The following CD226 variants were observed in gnomAD, a reference collection of about 807,000 sequenced individuals.
CD226 encodes CD226 molecule.
A neutral mutation model predicts 34.9 loss-of-function variants in CD226; 24 were observed. That is an observed-to-expected ratio of 0.69 (90% CI 0.50 to 0.97). The LOEUF is 0.97. CD226 is among the 50% of genes least tolerant of loss of function. The probability of loss-of-function intolerance (pLI) is 0.00; values close to 1 mark genes in which losing one functional copy is unlikely to be tolerated. For missense variants in CD226, 397 were observed against 412.7 expected (o/e 0.96, Z 0.33); for synonymous variants, 148 against 147.4 (o/e 1.00, Z -0.03).
At chr18:69,926,578 GGTAA>G (rs2055525040) in intron 2 of CD226, among the ~76,000 whole-genome samples, 1 of 152,106 alleles carries the variant, frequency 6.6e-6, no homozygotes, top group Non-Finnish European at 1.5e-5. Context: ...CCTGGCAAGT[GGTAA>G]CAGCTAAATA....
In CD226 at chr18:69,867,376, T is replaced by C; in HGVS notation, c.866A>G (p.Glu289Gly). 1 of 1,597,804 alleles carries C rather than the reference T, an allele frequency of 6.3e-7. No homozygotes were observed. Among genetic ancestry groups the C allele is most frequent in the Non-Finnish European group, 8.6e-7 (1 of 1,165,388 alleles). The stretch of plus-strand genomic sequence containing the variant: ...ACTTACCTTCTGTGTATCCCAGGAC[T>C]CTGTAAATAGATCTCTTCTCTCTCT... ...RRRERRDLFT[E>G]SWDTQKAPNN... is the part of the protein sequence containing the mutation. The change falls in exon 5 of 6, where the codon GAG becomes GGG. Residue 289 changes from glutamate to glycine, a missense_variant. By Grantham distance (98) the Glu-to-Gly change is moderately conservative. Transcript: ENST00000582621.
intron 3 of CD226, among the ~76,000 whole-genome samples, chr18:69,895,199 CTG>C (rs1163541980): frequency 6.6e-6 from 1 of 152,152 alleles, no homozygotes; most frequent in East Asian, 1.9e-4. Flanking sequence ...CTGAAAAAGA[CTG>C]AGAGAAAAAA....
At chr18:69,935,208 C>A (rs1020866002) in intron 2 of CD226, among the ~76,000 whole-genome samples, 1 of 152,194 alleles carries the variant, frequency 6.6e-6, no homozygotes, top group African/African-American at 2.4e-5. Context: ...TATCTCAAAT[C>A]TCACATTTTT....
intron 2 of CD226, among the ~76,000 whole-genome samples, chr18:69,922,893 A>T (rs1351167984): frequency 6.6e-6 from 1 of 152,180 alleles, no homozygotes; most frequent in Non-Finnish European, 1.5e-5. Flanking sequence ...GCACTTTGGG[A>T]GGCCAAGGCA....
intron 3 of CD226, 60 bp downstream of exon 3, chr18:69,895,641 C>A: frequency 8.0e-7 from 1 of 1,254,172 alleles, no homozygotes. Flanking sequence ...AAACAGAGAC[C>A]AGCCCACGGG....
chr18:69,952,695 G>A (rs572761150), upstream of CD226, among the ~76,000 whole-genome samples: 1 of 152,232 alleles, frequency 6.6e-6, no homozygotes, highest in East Asian at 1.9e-4. Flanking sequence ...GTTGTCAACG[G>A]ATTCTTAGAC....
chr18:69,935,673 G>C (rs2055643774), intron 2 of CD226, among the ~76,000 whole-genome samples: 1 of 152,184 alleles, frequency 6.6e-6, no homozygotes, highest in Admixed American at 6.5e-5. Flanking sequence ...GAGTTGTCTT[G>C]ATCACTGAGA....
chr18:69,901,575 A>G (rs2055183467), intron 2 of CD226, among the ~76,000 whole-genome samples: 1 of 152,062 alleles, frequency 6.6e-6, no homozygotes, highest in Admixed American at 6.5e-5. Context: ...TTCCATTAAA[A>G]AAGCTTTAAA....
intron 1 of CD226, among the ~76,000 whole-genome samples, chr18:69,954,511 G>A (rs977646318): frequency 2.6e-5 from 4 of 152,030 alleles, no homozygotes; most frequent in African/African-American, 7.2e-5. Context: ...CTGCAACACC[G>A]TGCTGCCTCA....
chr18:69,929,554 A>G (rs1386362230), intron 2 of CD226, among the ~76,000 whole-genome samples: 1 of 152,186 alleles, frequency 6.6e-6, no homozygotes, highest in African/African-American at 2.4e-5. Flanking sequence ...CATAATAAAC[A>G]TTCAACGGTT....
intron 4 of CD226, among the ~76,000 whole-genome samples, chr18:69,867,666 GA>G (rs578048907): frequency 2.6e-5 from 4 of 152,092 alleles, no homozygotes; most frequent in Non-Finnish European, 5.9e-5. Context: ...TAATCTCAGT[GA>G]TTTTACTAAA....
intron 2 of CD226, among the ~76,000 whole-genome samples, chr18:69,941,170 GT>G (rs1482573967): frequency 6.6e-6 from 1 of 152,258 alleles, no homozygotes; most frequent in Non-Finnish European, 1.5e-5. Flanking sequence ...CCATTCAGAA[GT>G]TGCTGCAAGG....
intron 2 of CD226, among the ~76,000 whole-genome samples, chr18:69,905,022 G>A (rs1353858231): frequency 1.3e-5 from 2 of 152,140 alleles, no homozygotes; most frequent in Non-Finnish European, 2.9e-5. Flanking sequence ...AGCCTTGAAC[G>A]AGTCCTTACT....
At chr18:69,925,671 C>T (rs2145319848) in intron 2 of CD226, among the ~76,000 whole-genome samples, 1 of 152,278 alleles carries the variant, frequency 6.6e-6, no homozygotes, top group East Asian at 1.9e-4. Flanking sequence ...TATTCTGCTC[C>T]ATCCCTACTA....
chr18:69,881,322 T>C (rs767349751), intron 3 of CD226, among the ~76,000 whole-genome samples: 8 of 152,308 alleles, frequency 5.3e-5, no homozygotes, highest in Non-Finnish European at 8.8e-5. Context: ...GTTTTGACCT[T>C]CTATATAATG....
At chr18:69,918,542 AGTGG>A (rs1452984106) in intron 2 of CD226, among the ~76,000 whole-genome samples, 1 of 152,224 alleles carries the variant, frequency 6.6e-6, no homozygotes, top group African/African-American at 2.4e-5. Context: ...TTGGTGACAG[AGTGG>A]GACTCTGTCT....
At chr18:69,938,133 G>A (rs572555531) in intron 2 of CD226, among the ~76,000 whole-genome samples, 1 of 152,128 alleles carries the variant, frequency 6.6e-6, no homozygotes, top group Non-Finnish European at 1.5e-5. Flanking sequence ...GAGATAAATG[G>A]ACTGGAATAT....
chr18:69,882,994 T>TTATTATGGA, intron 3 of CD226, among the ~76,000 whole-genome samples: 1 of 152,242 alleles, frequency 6.6e-6, no homozygotes, highest in Non-Finnish European at 1.5e-5. Flanking sequence ...GACACTTGAC[T>TTATTATGGA]CTGAGTCAAA....
Position 69,859,219 on chromosome 18 carries a change from T to C in CD226, c.*5095A>G, listed in dbSNP as rs963811026. On this transcript the variant is annotated 3_prime_UTR_variant, in exon 6 of 6. Coordinates refer to ENST00000582621, the MANE Select transcript of CD226 (RefSeq NM_001303618.2). The stretch of plus-strand genomic sequence containing the variant: ...GATGGCAGTTGTGTGCCTCTCCTTC[T>C]AGCCCCAAGTCAAGCTTCTAATGGA... 6.6e-6 allele frequency: 1 copy of C among 152,160 alleles called. No individual in the cohort carries two copies. Among genetic ancestry groups the C allele is most frequent in the Admixed American group, 6.5e-5 (1 of 15,268 alleles). 9.4% of individuals were successfully genotyped at this position (152,160 alleles called of 1,614,324 possible). A position where few individuals can be genotyped will look rare whatever the true frequency, so the allele number is the denominator to read the frequency against.
Sources: allele counts gnomAD v4.1 joint callset (sites outside exome capture counted in the v4.1 genomes callset), GRCh38; gene constraint gnomAD v4.1.1; transcripts MANE v1.5; gene names NCBI Gene and HGNC (gene_info 2026-07-23, HGNC 2026-07-21).